The following GPC6 variants were observed in gnomAD, a reference collection of about 807,000 sequenced individuals.
GPC6 encodes glypican 6, also known as glypican-6.
GPC6 carries 14 observed loss-of-function variants against 55.2 expected under a neutral mutation model. That is an observed-to-expected ratio of 0.25 (90% confidence interval 0.17 to 0.40). The LOEUF is 0.40. Among genes scored for constraint, GPC6 ranks in the 10% least tolerant of loss-of-function variants. GPC6 has a pLI of 1.00. For missense variants in GPC6, 641 were observed against 708.5 expected, an observed-to-expected ratio of 0.90 and a Z score of 1.08; for synonymous variants, 278 against 259.6, an observed-to-expected ratio of 1.07 and a Z score of -0.68.
chr13:94,093,908 T>A (rs549811919), intron 4 of GPC6, among the ~76,000 whole-genome samples: 1 of 152,032 alleles, frequency 6.6e-6, no homozygotes, highest in Non-Finnish European at 1.5e-5. Context: ...TTTAAGATGA[T>A]GCTAGCACAG....
chr13:93,947,885 G>A (rs149591221), intron 3 of GPC6, among the ~76,000 whole-genome samples: 11 of 152,208 alleles, frequency 7.2e-5, no homozygotes, highest in African/African-American at 2.4e-4. Flanking sequence ...GTCTGAGCAC[G>A]TAAGCCTCCG....
At chr13:93,859,874 G>A (rs748478528) in intron 3 of GPC6, among the ~76,000 whole-genome samples, 16 of 151,628 alleles carry the variant, frequency 1.1e-4, no homozygotes, top group Non-Finnish European at 1.9e-4. Flanking sequence ...GAATCAGTGG[G>A]TTCCCACTCA....
chr13:93,753,285 C>T (rs16949188), intron 2 of GPC6, among the ~76,000 whole-genome samples: 1,596 of 152,262 alleles, frequency 0.01, 29 homozygotes, highest in African/African-American at 0.036. Context: ...ACACAACTAA[C>T]AACACTGTCA....
chr13:94,399,435 A>G (rs1001787880), intron 8 of GPC6, among the ~76,000 whole-genome samples: 1 of 152,232 alleles, frequency 6.6e-6, no homozygotes. Flanking sequence ...CTAACTACAA[A>G]AAAAGAGTTT....
intron 4 of GPC6, among the ~76,000 whole-genome samples, chr13:94,197,181 T>C (rs1889603643): frequency 6.6e-6 from 1 of 152,134 alleles, no homozygotes; most frequent in Admixed American, 6.5e-5. Flanking sequence ...CATGGAATAC[T>C]GTCATCTCTG....
intron 3 of GPC6, among the ~76,000 whole-genome samples, chr13:94,025,920 C>T (rs896181299): frequency 6.6e-6 from 1 of 151,748 alleles, no homozygotes; most frequent in Non-Finnish European, 1.5e-5. Context: ...GGATATTACT[C>T]TGGGATAAAA....
intron 1 of GPC6, among the ~76,000 whole-genome samples, chr13:93,458,423 C>A (rs1878552990): frequency 6.6e-6 from 1 of 152,084 alleles, no homozygotes; most frequent in Non-Finnish European, 1.5e-5. Context: ...CTTTATGAAA[C>A]ATCCTCCTCC....
chr13:93,817,419 C>T (rs1434035844), intron 2 of GPC6, among the ~76,000 whole-genome samples: 1 of 152,034 alleles, frequency 6.6e-6, no homozygotes, highest in South Asian at 2.1e-4. Context: ...TATCTTTGTA[C>T]ACAAATCTTT....
chr13:94,307,138 G>A (rs1875986793), intron 6 of GPC6, among the ~76,000 whole-genome samples: 1 of 152,072 alleles, frequency 6.6e-6, no homozygotes, highest in Non-Finnish European at 1.5e-5. Flanking sequence ...CAGCATTTCT[G>A]TCTATAAAAA....
chr13:93,523,001 A>C (rs1051373515), intron 1 of GPC6, among the ~76,000 whole-genome samples: 8 of 109,390 alleles, frequency 7.3e-5, no homozygotes, highest in Non-Finnish European at 1.7e-4. Flanking sequence ...ATCAAAAAGA[A>C]AGAGGGAAAA....
At chr13:93,663,827 G>C (rs1366223108) in intron 2 of GPC6, among the ~76,000 whole-genome samples, 1 of 152,120 alleles carries the variant, frequency 6.6e-6, no homozygotes, top group Non-Finnish European at 1.5e-5. Context: ...AGGTAAAAAT[G>C]CATAAAATGA....
At chr13:93,672,668 T>C (rs981755339) in intron 2 of GPC6, among the ~76,000 whole-genome samples, 1 of 150,626 alleles carries the variant, frequency 6.6e-6, no homozygotes, top group Non-Finnish European at 1.5e-5. Context: ...CATATATATA[T>C]ACACACACAA....
At chr13:93,596,208 A>T (rs1877720500) in intron 2 of GPC6, among the ~76,000 whole-genome samples, 1 of 152,210 alleles carries the variant, frequency 6.6e-6, no homozygotes, top group Non-Finnish European at 1.5e-5. Context: ...ATCCTTATTG[A>T]GAGGAGCAAT....
intron 2 of GPC6, among the ~76,000 whole-genome samples, chr13:93,789,051 A>T (rs1885904992): frequency 6.6e-6 from 1 of 151,986 alleles, no homozygotes; most frequent in Non-Finnish European, 1.5e-5. Flanking sequence ...AGTGGATTGG[A>T]TGTGAGAGAA....
chr13:93,820,809 A>G (rs1193796222), intron 2 of GPC6, among the ~76,000 whole-genome samples: 1 of 152,160 alleles, frequency 6.6e-6, no homozygotes, highest in Non-Finnish European at 1.5e-5. Context: ...TAAAATCACT[A>G]AATTCACCTG....
At position 94,286,394 on chromosome 13, in the gene GPC6, T is replaced by C; in HGVS notation, c.923T>C (p.Ile308Thr). ...GAGCGACTGGAGGGGCCATTCAACA[T>C]TGAGTCGGTCATGGACCCGATAGAT... ...VAERLEGPFN[I>T]ESVMDPIDVK... The change falls in exon 5 of 9, where the codon ATT becomes ACT. Residue 308 changes from isoleucine to threonine, a missense_variant. By Grantham distance (89) the Ile-to-Thr change is moderately conservative. Coordinates refer to ENST00000377047, the MANE Select transcript of GPC6 (RefSeq NM_005708.5). 2 of 1,613,742 alleles carry C rather than the reference T, an allele frequency of 1.2e-6. No homozygotes were observed. Among genetic ancestry groups the C allele is most frequent in the Non-Finnish European group, 1.7e-6 (2 of 1,179,706 alleles).
At chr13:94,205,755 G>A (rs190033681) in intron 4 of GPC6, among the ~76,000 whole-genome samples, 258 of 152,218 alleles carry the variant, frequency 1.7e-3, no homozygotes, top group African/African-American at 5.9e-3. Context: ...GGGAGAATAC[G>A]TTCACTTTTC....
At chr13:93,834,467 A>T (rs965634946) in intron 3 of GPC6, among the ~76,000 whole-genome samples, 1 of 152,180 alleles carries the variant, frequency 6.6e-6, no homozygotes, top group Non-Finnish European at 1.5e-5. Flanking sequence ...AAAGAATCAG[A>T]TGGTGGTTAC....
chr13:93,700,047 G>A (rs1013685804), intron 2 of GPC6, among the ~76,000 whole-genome samples: 10 of 151,944 alleles, frequency 6.6e-5, no homozygotes, highest in Admixed American at 3.3e-4. Flanking sequence ...TCAAAGGAAA[G>A]ACAAAAGGAA....
Sources: allele counts gnomAD v4.1 joint callset (sites outside exome capture counted in the v4.1 genomes callset), GRCh38; gene constraint gnomAD v4.1.1; transcripts MANE v1.5; gene names NCBI Gene and HGNC (gene_info 2026-07-23, HGNC 2026-07-21).